The following IGSF11 variants were observed in gnomAD, a reference collection of about 807,000 sequenced individuals.
IGSF11 encodes the protein immunoglobulin superfamily member 11.
In IGSF11, 22 loss-of-function variants were observed where a neutral mutation model predicts 41.0. The ratio of observed to expected loss-of-function variants is 0.54; its 90% CI spans 0.38 to 0.77. IGSF11 has a LOEUF of 0.77. IGSF11 is among the 30% of genes least tolerant of loss of function. IGSF11 has a pLI of 0.00. For synonymous variants in IGSF11, 219 were observed against 201.3 expected, an observed-to-expected ratio of 1.09 and a Z score of -0.74; for missense variants, 444 against 530.8, an observed-to-expected ratio of 0.84 and a Z score of 1.61.
chr3:119,008,876 A>AGACT (rs1937739966), intron 1 of IGSF11, among the ~76,000 whole-genome samples: 1 of 152,190 alleles, frequency 6.6e-6, no homozygotes, highest in Admixed American at 6.5e-5. Context: ...AAAGAATGAA[A>AGACT]GACTGACCTC....
chr3:119,057,569 T>C (rs1255168937), intron 1 of IGSF11, among the ~76,000 whole-genome samples: 4 of 152,204 alleles, frequency 2.6e-5, no homozygotes, highest in Non-Finnish European at 5.9e-5. Flanking sequence ...ATAGATTCAA[T>C]GCCATCCCCA....
chr3:118,902,788 T>G lies in IGSF11; in HGVS notation c.1028A>C (p.Gln343Pro), dbSNP rs753986514. 3.1e-6 allele frequency: 5 copies of G among 1,614,058 alleles called. No individual in the cohort carries two copies. The African/African-American group carries it at 5.3e-5, about 17-fold the overall frequency. ...ESVSHFSDLG[Q>P]SFSFHSGNAN... ...ATTGCCTGAGTGGAAAGAGAAAGATTGGCCCAAGTCACTGAAGTGGCTGAC... is the reference window on the plus strand; with the variant it reads ...ATTGCCTGAGTGGAAAGAGAAAGATGGGCCCAAGTCACTGAAGTGGCTGAC... The change falls in exon 7 of 7, where the codon CAA (glutamine) becomes CCA (proline). Residue 343 changes from glutamine to proline, a missense_variant. Transcript: ENST00000393775.
At chr3:119,128,287 G>A (rs147085918) in intron 1 of IGSF11, among the ~76,000 whole-genome samples, 372 of 152,244 alleles carry the variant, frequency 2.4e-3, no homozygotes, top group African/African-American at 8.4e-3. Flanking sequence ...GAATCTGGGA[G>A]GTGGAGGTTG....
chr3:118,943,553 G>A (rs887200246), intron 1 of IGSF11, among the ~76,000 whole-genome samples: 2 of 152,150 alleles, frequency 1.3e-5, no homozygotes, highest in Non-Finnish European at 2.9e-5. Flanking sequence ...GAACTTCCAT[G>A]TGACTGGCCT....
chr3:118,942,699 T>C (rs1943792330), intron 1 of IGSF11, among the ~76,000 whole-genome samples: 1 of 152,246 alleles, frequency 6.6e-6, no homozygotes, highest in South Asian at 2.1e-4. Context: ...ATAACAATTA[T>C]GTCTTTCTCC....
chr3:119,118,850 T>G (rs1347245149), intron 1 of IGSF11, among the ~76,000 whole-genome samples: 2 of 152,198 alleles, frequency 1.3e-5, no homozygotes, highest in Non-Finnish European at 2.9e-5. Flanking sequence ...CTCCCAAGTT[T>G]AAAGTTCCAA....
At chr3:119,045,523 C>T (rs1454198736) in intron 1 of IGSF11, among the ~76,000 whole-genome samples, 1 of 152,152 alleles carries the variant, frequency 6.6e-6, no homozygotes, top group Non-Finnish European at 1.5e-5. Flanking sequence ...ATTGCTAGCA[C>T]AGCAGTCTGA....
At chr3:118,912,433 T>C (rs754974547) in intron 4 of IGSF11, among the ~76,000 whole-genome samples, 6 of 152,170 alleles carry the variant, frequency 3.9e-5, no homozygotes, top group Admixed American at 6.5e-5. Flanking sequence ...GGATTTTCAA[T>C]TGCTGCAGGA....
chr3:118,993,366 T>C (rs189110475), intron 1 of IGSF11, among the ~76,000 whole-genome samples: 36 of 152,308 alleles, frequency 2.4e-4, no homozygotes, highest in Non-Finnish European at 4.9e-4. Flanking sequence ...CAATAACAAG[T>C]GTTAACAAGG....
At chr3:118,971,533 A>G (rs548179372) in intron 1 of IGSF11, among the ~76,000 whole-genome samples, 1 of 152,292 alleles carries the variant, frequency 6.6e-6, no homozygotes, top group East Asian at 1.9e-4. Flanking sequence ...GGCCGGGCGC[A>G]GTGGCTCACA....
intron 1 of IGSF11, among the ~76,000 whole-genome samples, chr3:119,120,415 C>A (rs2107529111): frequency 2.0e-5 from 3 of 152,242 alleles, no homozygotes; most frequent in Admixed American, 2.0e-4. Flanking sequence ...AACATGGACA[C>A]ACATGAGGAG....
At chr3:119,051,349 C>G (rs1055327897) in intron 1 of IGSF11, among the ~76,000 whole-genome samples, 2 of 151,642 alleles carry the variant, frequency 1.3e-5, no homozygotes, top group Non-Finnish European at 2.9e-5. Context: ...ACAAAACAGA[C>G]TTTAAAGCAA....
At chr3:118,987,901 CAT>C (rs1482601952) in intron 1 of IGSF11, among the ~76,000 whole-genome samples, 9 of 152,224 alleles carry the variant, frequency 5.9e-5, no homozygotes, top group African/African-American at 2.2e-4. Context: ...TTTACACATG[CAT>C]ATGACTGATC....
At chr3:119,083,126 C>CTTTT (rs79620142) in intron 1 of IGSF11, among the ~76,000 whole-genome samples, 27 of 129,118 alleles carry the variant, frequency 2.1e-4, no homozygotes, top group African/African-American at 4.6e-4. Context: ...TTTCTTTTTT[C>CTTTT]TTTTTTTTTT....
intron 6 of IGSF11, 33 bp from the exon 7 acceptor site, chr3:118,902,994 T>C (rs552077032): frequency 6.3e-7 from 1 of 1,588,792 alleles, no homozygotes; most frequent in African/African-American, 1.3e-5. Context: ...GTTGTTAGGA[T>C]TTACTTCAAG....
chr3:118,909,291 G>C (rs1358611164), intron 4 of IGSF11, among the ~76,000 whole-genome samples: 1 of 151,912 alleles, frequency 6.6e-6, no homozygotes, highest in African/African-American at 2.4e-5. Flanking sequence ...AAAAGTTTCA[G>C]AAGTATTCTG....
rs1026191697 is a variant in IGSF11 at position 119,060,885 on chromosome 3, A to T, written c.49+44259T>A. Among the ~76,000 whole-genome samples the T allele has an allele frequency of 3.3e-5, 5 of 152,228 alleles. 1 individual carries two copies. Among genetic ancestry groups the T allele is most frequent in the Admixed American group, 3.3e-4 (5 of 15,278 alleles). ...GAACACTCTTCCTTAAGAGATACAG[A>T]CATATAAAATTAAATAGATAACCCA... On this transcript the variant is annotated intron_variant, in intron 1 of 6. Transcript: ENST00000354673.
At chr3:118,961,641 A>C (rs1945341683) in intron 1 of IGSF11, among the ~76,000 whole-genome samples, 1 of 152,204 alleles carries the variant, frequency 6.6e-6, no homozygotes, top group East Asian at 1.9e-4. Context: ...TGAGTGTATA[A>C]ATGGCAGGAT....
chr3:118,904,939 A>G (rs992001623), intron 5 of IGSF11, 141 bp from the exon 6 acceptor site: 5 of 663,092 alleles, frequency 7.5e-6, no homozygotes, highest in Non-Finnish European at 1.2e-5. Context: ...TCATCTATAT[A>G]AAGTTAAACC....
Sources: gnomAD v4.1 joint callset for allele counts (sites outside exome capture counted in the v4.1 genomes callset) on GRCh38, gnomAD v4.1.1 for gene constraint, MANE v1.5 for transcripts, NCBI Gene and HGNC (gene_info 2026-07-23, HGNC 2026-07-21) for gene names.